Variants in TENM3 observed in about 807,000 individuals in gnomAD.
TENM3 encodes teneurin-3.
TENM3 carries 63 observed loss-of-function variants against 255.1 expected under a neutral mutation model. The ratio of observed to expected loss-of-function variants is 0.25; its 90% CI spans 0.20 to 0.30. The LOEUF (loss-of-function observed/expected upper bound fraction) is 0.30, where lower values mean the gene tolerates loss of function less well. Among genes scored for constraint, TENM3 ranks in the 10% least tolerant of loss-of-function variants. The probability of loss-of-function intolerance (pLI) is 1.00; values close to 1 mark genes in which losing one functional copy is unlikely to be tolerated. For synonymous variants in TENM3, 1,306 were observed against 1,322.3 expected (o/e 0.99, Z 0.27); for missense variants, 2,929 against 3,461.1 (o/e 0.85, Z 3.86).
At chr4:182,257,558 T>C (rs1334662025) in intron 1 of TENM3, among the ~76,000 whole-genome samples, 1 of 152,164 alleles carries the variant, frequency 6.6e-6, no homozygotes, top group Non-Finnish European at 1.5e-5. Flanking sequence ...TCTAGAGGAC[T>C]TGGTATATTA....
chr4:181,876,082 G>C, the TENM3 span, among the ~76,000 whole-genome samples: 3 of 152,182 alleles, frequency 2.0e-5, no homozygotes, highest in African/African-American at 7.2e-5. Flanking sequence ...TAGTAAACAT[G>C]ATATAAGACA....
At chr4:181,461,009 C>T in the TENM3 span, among the ~76,000 whole-genome samples, 1,428 of 151,916 alleles carry the variant, frequency 9.4e-3, 19 homozygotes, top group African/African-American at 0.031. Context: ...TATGATTTTC[C>T]TCTTGCTTGA....
chr4:182,612,813 A>T (rs142365927), intron 4 of TENM3, among the ~76,000 whole-genome samples: 1 of 152,182 alleles, frequency 6.6e-6, no homozygotes. Context: ...TTTTCTTGGC[A>T]CATGGCAAAT....
chr4:181,477,590 A>T, the TENM3 span, among the ~76,000 whole-genome samples: 1 of 152,198 alleles, frequency 6.6e-6, no homozygotes. Context: ...GAGGTCACCC[A>T]ATATATGACC....
At chr4:182,701,564 T>C (rs1757880682) in intron 12 of TENM3, among the ~76,000 whole-genome samples, 1 of 152,082 alleles carries the variant, frequency 6.6e-6, no homozygotes, top group Admixed American at 6.5e-5. Context: ...TGATTATGTA[T>C]GTGAGTAATC....
At chr4:182,501,362 A>G (rs147799820) in intron 3 of TENM3, among the ~76,000 whole-genome samples, 3,217 of 90,612 alleles carry the variant, frequency 0.036, 62 homozygotes, top group East Asian at 0.085. Flanking sequence ...AGTTAAAGCT[A>G]TGTCTAAAAG....
chr4:181,480,455 C>A, the TENM3 span, among the ~76,000 whole-genome samples: 1 of 152,026 alleles, frequency 6.6e-6, no homozygotes, highest in African/African-American at 2.4e-5. Context: ...TTGATGTTAA[C>A]CAAACATACG....
intron 3 of TENM3, among the ~76,000 whole-genome samples, chr4:182,534,768 G>A (rs989673730): frequency 6.6e-6 from 1 of 152,184 alleles, no homozygotes; most frequent in East Asian, 1.9e-4. Flanking sequence ...AACTTGCCCA[G>A]GATTATACAG....
At chr4:182,708,432 C>T (rs545487597) in intron 12 of TENM3, among the ~76,000 whole-genome samples, 2 of 152,058 alleles carry the variant, frequency 1.3e-5, no homozygotes, top group Non-Finnish European at 2.9e-5. Flanking sequence ...AAAATCAAGG[C>T]GGCATTTTGT....
At position 182,502,910 on chromosome 4, in the gene TENM3, CTTTTTTT is replaced by C. The variant is rs10671906; in HGVS notation, c.512-97994_512-97988del. Reference sequence around the variant, plus strand: ...TGTTTTGTGATTGGATGAAGTCAGCCTTTTTTTTTTTTTTTTTTTTTTTTTTACTTAC... The same window carrying C: ...TGTTTTGTGATTGGATGAAGTCAGCCTTTTTTTTTTTTTTTTTTTACTTAC... On this transcript the variant is annotated intron_variant, in intron 3 of 27. Transcript: ENST00000511685. Among the ~76,000 whole-genome samples the C allele has an allele frequency of 6.5e-5, 5 of 77,370 alleles. No individual in the cohort carries two copies. In the East Asian group the frequency reaches 1.4e-3, roughly 22 times the overall value. The allele number at this position is 77,370 out of a possible 152,430, so 50.8% of individuals were successfully genotyped here.
the TENM3 span, among the ~76,000 whole-genome samples, chr4:181,479,059 A>T: frequency 6.6e-6 from 1 of 152,236 alleles, no homozygotes; most frequent in Non-Finnish European, 1.5e-5. Context: ...AGTGAAGAAC[A>T]TTCTAATAGA....
At position 182,792,174 on chromosome 4, in the gene TENM3, T is replaced by C. The variant is rs1766157913; in HGVS notation, c.5602-100T>C. 1 of 1,102,636 alleles carries C rather than the reference T, an allele frequency of 9.1e-7. No homozygotes were observed. Among genetic ancestry groups the C allele is most frequent in the South Asian group, 1.5e-5 (1 of 65,146 alleles). 68.3% of individuals were successfully genotyped at this position (1,102,636 alleles called of 1,614,324 possible). A position where few individuals can be genotyped will look rare whatever the true frequency, so the allele number is the denominator to read the frequency against. ...GATAACTCAATTAAAATGAAAATCA[T>C]TTTCTCTAGTGGAATGTTTCTGTGC... On this transcript the variant is annotated intron_variant, in intron 25 of 27. Transcript: ENST00000511685. The surrounding 1 kb of genome is among the most constrained non-coding windows in gnomAD (Gnocchi z 6.3).
chr4:182,153,453 A>G (rs1750482251), intron 1 of TENM3, among the ~76,000 whole-genome samples: 1 of 152,140 alleles, frequency 6.6e-6, no homozygotes, highest in South Asian at 2.1e-4. Flanking sequence ...GGTAATTTCA[A>G]TAAAACTAAT....
chr4:181,701,009 C>A, the TENM3 span, among the ~76,000 whole-genome samples: 1 of 152,066 alleles, frequency 6.6e-6, no homozygotes, highest in Admixed American at 6.5e-5. Context: ...TTAATTCCAC[C>A]TTTACTACAG....
the TENM3 span, among the ~76,000 whole-genome samples, chr4:181,877,825 G>A: frequency 6.6e-6 from 1 of 152,158 alleles, no homozygotes; most frequent in African/African-American, 2.4e-5. Context: ...TGGCCAAGAG[G>A]TTGTCAAATA....
chr4:182,214,383 G>A (rs959458380), intron 1 of TENM3, among the ~76,000 whole-genome samples: 13 of 152,136 alleles, frequency 8.5e-5, no homozygotes, highest in Non-Finnish European at 5.9e-5. Flanking sequence ...ATCTTGAAAA[G>A]TTGAATGGAC....
chr4:181,949,534 G>C, the TENM3 span, among the ~76,000 whole-genome samples: 1 of 152,036 alleles, frequency 6.6e-6, no homozygotes. Context: ...TCTTTCACCT[G>C]CACCTCTACC....
chr4:181,833,394 G>T, the TENM3 span, among the ~76,000 whole-genome samples: 1 of 152,216 alleles, frequency 6.6e-6, no homozygotes, highest in South Asian at 2.1e-4. Context: ...CTTCCTTACT[G>T]TACTCTGCCT....
At chr4:181,528,093 A>G in the TENM3 span, among the ~76,000 whole-genome samples, 853 of 152,206 alleles carry the variant, frequency 5.6e-3, 9 homozygotes, top group African/African-American at 0.019. Flanking sequence ...TTAGGAAAAA[A>G]AACAGAAATG....
Sources: gnomAD v4.1 joint callset for allele counts (sites outside exome capture counted in the v4.1 genomes callset) on GRCh38, gnomAD v4.1.1 for gene constraint, Gnocchi (gnomAD v3.1) non-coding constraint, MANE v1.5 for transcripts, NCBI Gene and HGNC (gene_info 2026-07-23, HGNC 2026-07-21) for gene names.